Variants in ADGB observed in about 807,000 individuals in gnomAD.
The protein encoded by ADGB is androglobin.
A neutral mutation model predicts 210.5 loss-of-function variants in ADGB; 172 were observed. That is an observed-to-expected ratio of 0.82 (90% CI 0.72 to 0.93). ADGB has a LOEUF of 0.93. Ranked by LOEUF, ADGB falls within the 40% of genes least tolerant of loss-of-function variation. The pLI is 0.00. For missense variants in ADGB, 2,025 were observed against 1,964.8 expected (o/e 1.03, Z -0.58); for synonymous variants, 658 against 662.7 (o/e 0.99, Z 0.11).
intron 10 of ADGB, among the ~76,000 whole-genome samples, chr6:146,688,295 A>C (rs866964220): frequency 1.1e-4 from 17 of 152,150 alleles, no homozygotes; most frequent in African/African-American, 4.1e-4. Context: ...GAATGAAAAA[A>C]AAAATGAATG....
chr6:146,726,000 C>T lies in ADGB; in HGVS notation c.2238-83C>T. 3.9e-6 allele frequency: 3 copies of T among 778,920 alleles called. 1 individual carries two copies. In the South Asian group the frequency reaches 5.9e-5, roughly 15 times the overall value. The allele number at this position is 778,920 out of a possible 1,614,324, so 48.3% of individuals were successfully genotyped here. ...CCTAACCTTTTACTTCATTTGAGTT[C>T]CAAAGTGTGAATAAGCAACTCACAG... On this transcript the variant is annotated intron_variant, in intron 18 of 35. Transcript: ENST00000397944.
At chr6:146,753,255 G>A (rs533786758) in intron 27 of ADGB, among the ~76,000 whole-genome samples, 59 of 152,094 alleles carry the variant, frequency 3.9e-4, no homozygotes, top group Admixed American at 1.0e-3. Flanking sequence ...AAGGGAACAA[G>A]AAATGCCTTA....
At position 146,758,138 on chromosome 6, in the gene ADGB, G is replaced by T. The variant is rs989154227; in HGVS notation, c.3550+5424G>T. 2.0e-5 allele frequency among the ~76,000 whole-genome samples: 3 copies of T among 152,134 alleles called. No homozygotes were observed. In the East Asian group the frequency reaches 5.8e-4, roughly 29 times the overall value. On this transcript the variant is annotated intron_variant, in intron 27 of 35. Transcript: ENST00000397944. ...AGCACTTAGGCTGCATTACTCCTTTGTGGTTTCTCATTCAAACTTGCCCAA... is the reference window on the plus strand; with the variant it reads ...AGCACTTAGGCTGCATTACTCCTTTTTGGTTTCTCATTCAAACTTGCCCAA...
At position 146,701,042 on chromosome 6, in the gene ADGB, T is replaced by C; in HGVS notation, c.1679T>C (p.Leu560Ser). The part of the protein sequence containing the change: ...DETATHSQTD[L>S]SQITKATSQG... ...ACTGCAACACATAGCCAGACAGACTTGAGTCAAATAACAAAAGCTACATCT... is the reference window on the plus strand; with the variant it reads ...ACTGCAACACATAGCCAGACAGACTCGAGTCAAATAACAAAAGCTACATCT... The change falls in exon 13 of 36, where the codon TTG (leucine) becomes TCG (serine). Residue 560 changes from leucine (L) to serine (S), a missense_variant. Physicochemically the swap from Leu to Ser is moderately radical, Grantham distance 145. Transcript: ENST00000397944. 6.4e-7 allele frequency: 1 copy of C among 1,550,770 alleles called. No individual in the cohort carries two copies. The highest frequency in any genetic ancestry group is 8.7e-7 in the Non-Finnish European group (1 of 1,146,418).
intron 27 of ADGB, among the ~76,000 whole-genome samples, chr6:146,758,101 T>A (rs971272210): frequency 3.3e-5 from 5 of 152,096 alleles, no homozygotes; most frequent in African/African-American, 1.2e-4. Context: ...GAATATCTCC[T>A]GGGTTGTTTT....
At chr6:146,649,388 T>C (rs1432968202) in intron 3 of ADGB, among the ~76,000 whole-genome samples, 1 of 152,110 alleles carries the variant, frequency 6.6e-6, no homozygotes, top group African/African-American at 2.4e-5. Flanking sequence ...TGTGCCAAAC[T>C]CTGACACCTT....
intron 29 of ADGB, among the ~76,000 whole-genome samples, chr6:146,777,591 A>G (rs959325269): frequency 7.2e-5 from 11 of 152,110 alleles, no homozygotes; most frequent in African/African-American, 2.7e-4. Flanking sequence ...CAAATCAGAA[A>G]CTTTAGGGTT....
chr6:146,714,328 T>C (rs539928700), intron 13 of ADGB, among the ~76,000 whole-genome samples: 36 of 144,452 alleles, frequency 2.5e-4, no homozygotes, highest in South Asian at 1.1e-3. Context: ...TTTTTTTTTT[T>C]CCCCTGACTC....
At chr6:146,782,286 A>T in intron 30 of ADGB, 94 bp downstream of exon 30, 4 of 1,180,480 alleles carry the variant, frequency 3.4e-6, no homozygotes, top group Non-Finnish European at 4.6e-6. Context: ...AAACCGTGAA[A>T]CATTCTTTCT....
At chr6:146,605,308 G>A (rs1259403089) in intron 1 of ADGB, among the ~76,000 whole-genome samples, 1 of 152,162 alleles carries the variant, frequency 6.6e-6, no homozygotes, top group African/African-American at 2.4e-5. Flanking sequence ...AGTGTGCACT[G>A]TGCACAGCAG....
At position 146,810,468 on chromosome 6, in the gene ADGB, T is replaced by C. The variant is rs139723252; in HGVS notation, c.4819-4564T>C. Among the ~76,000 whole-genome samples, 285 of 152,186 alleles carry C rather than the reference T, an allele frequency of 1.9e-3. 2 individuals carry two copies. In the East Asian group the frequency reaches 0.03, roughly 16 times the overall value. On this transcript the variant is annotated intron_variant, in intron 35 of 35. Transcript: ENST00000397944. ...ATTCCTGGGTATATATTAAAGGAAATGAAATCAGTATGTCTATGAGAGGTC... is the reference window on the plus strand; with the variant it reads ...ATTCCTGGGTATATATTAAAGGAAACGAAATCAGTATGTCTATGAGAGGTC...
chr6:146,774,922 G>A (rs915212562), intron 29 of ADGB, among the ~76,000 whole-genome samples: 10 of 151,938 alleles, frequency 6.6e-5, no homozygotes, highest in South Asian at 2.1e-4. Flanking sequence ...ACAGACGTGC[G>A]CCACCATGCC....
intron 7 of ADGB, among the ~76,000 whole-genome samples, chr6:146,671,788 G>C (rs1160584165): frequency 2.0e-5 from 3 of 152,132 alleles, no homozygotes; most frequent in Non-Finnish European, 2.9e-5. Flanking sequence ...GGATGTTATG[G>C]AAGCCTCAGG....
At chr6:146,664,649 T>C (rs761076382) in intron 6 of ADGB, among the ~76,000 whole-genome samples, 136 of 152,178 alleles carry the variant, frequency 8.9e-4, no homozygotes, top group Non-Finnish European at 1.6e-3. Flanking sequence ...AAAATTGTTT[T>C]GTGGGAGAAA....
At position 146,629,838 on chromosome 6, in the gene ADGB, C is replaced by T. The variant is rs367616912; in HGVS notation, c.75-5537C>T. Among the ~76,000 whole-genome samples, 7 of 152,096 alleles carry T rather than the reference C, an allele frequency of 4.6e-5. No homozygotes were observed. The East Asian group carries it at 5.8e-4, about 13-fold the overall frequency. ...CTTTATAATACATTCTTACATGCTA[C>T]TTAGGAATCCTCTTTAACAATGTAT... On this transcript the variant is annotated intron_variant, in intron 1 of 35. Coordinates refer to ENST00000397944, the MANE Select transcript of ADGB (RefSeq NM_024694.4).
chr6:146,785,669 G>C lies in ADGB; in HGVS notation c.4272G>C (p.Glu1424Asp), dbSNP rs1363675694. The change falls in exon 32 of 36, where the codon GAG (glutamate) becomes GAC (aspartate). Residue 1424 changes from glutamate (E) to aspartate (D), a missense_variant. Physicochemically the swap from Glu to Asp is conservative, Grantham distance 45. Coordinates refer to ENST00000397944, the MANE Select transcript of ADGB (RefSeq NM_024694.4). Reference protein sequence around the residue: ...SGFIKKTSDAESPPISESQTK... With the variant: ...SGFIKKTSDADSPPISESQTK... ...TCATTAAGAAAACATCTGATGCTGA[G>C]AGTCCGCCTATATCTGAAAGCCAAA... is the stretch of plus-strand genomic sequence containing the variant. 13 of 1,551,162 alleles carry C rather than the reference G, an allele frequency of 8.4e-6. No individual in the cohort carries two copies. Among genetic ancestry groups the C allele is most frequent in the Admixed American group, 2.0e-5 (1 of 50,966 alleles).
intron 35 of ADGB, among the ~76,000 whole-genome samples, chr6:146,809,836 A>T (rs760545995): frequency 1.3e-5 from 2 of 152,230 alleles, no homozygotes; most frequent in Non-Finnish European, 2.9e-5. Flanking sequence ...TAAATGTAAC[A>T]TTGGAACTCA....
chr6:146,785,398 A>G (rs1002646512), intron 31 of ADGB, among the ~76,000 whole-genome samples: 1 of 152,156 alleles, frequency 6.6e-6, no homozygotes, highest in Non-Finnish European at 1.5e-5. Context: ...CTGCTTCTTC[A>G]TCTATTCTCA....
intron 9 of ADGB, among the ~76,000 whole-genome samples, chr6:146,683,403 ATATT>A (rs1776183719): frequency 6.6e-6 from 1 of 152,126 alleles, no homozygotes; most frequent in Admixed American, 6.6e-5. Context: ...TTACAGATTG[ATATT>A]TAGTTAATAG....
Sources: allele counts gnomAD v4.1 joint callset (sites outside exome capture counted in the v4.1 genomes callset), GRCh38; gene constraint gnomAD v4.1.1; transcripts MANE v1.5; gene names NCBI Gene and HGNC (gene_info 2026-07-23, HGNC 2026-07-21).